AP3D1: variants seen among roughly 807,000 people sequenced by gnomAD.
AP3D1 encodes AP-3 complex subunit delta-1.
AP3D1 carries 51 observed loss-of-function variants against 147.6 expected under a neutral mutation model. That is an observed-to-expected ratio of 0.35 (90% CI 0.28 to 0.44). AP3D1 has a LOEUF of 0.44. AP3D1 is among the 20% of genes least tolerant of loss of function. The pLI is 1.00. For missense variants in AP3D1, 1,421 were observed against 1,624.2 expected, an observed-to-expected ratio of 0.87 and a Z score of 2.15; for synonymous variants, 760 against 663.0, an observed-to-expected ratio of 1.15 and a Z score of -2.25.
At chr19:2,105,955 G>A (rs1448049508) in intron 31 of AP3D1, among the ~76,000 whole-genome samples, 2 of 152,162 alleles carry the variant, frequency 1.3e-5, no homozygotes, top group African/African-American at 4.8e-5. Context: ...AGATTATCCA[G>A]GCGTGGTCGT....
chr19:2,122,509 C>A lies in AP3D1; in HGVS notation c.956-630G>T, dbSNP rs576949516. Among the ~76,000 whole-genome samples, 4 of 152,320 alleles carry A rather than the reference C, an allele frequency of 2.6e-5. No homozygotes were observed. The South Asian group carries it at 8.3e-4, about 32-fold the overall frequency. On this transcript the variant is annotated intron_variant, in intron 11 of 31. Coordinates refer to ENST00000643116, the MANE Select transcript of AP3D1 (RefSeq NM_001261826.3). ...TACCCGTGGGGGATGGGCCCATGAC[C>A]CCAGTGGAAGGCTGACACGGCGGGC...
At chr19:2,129,585 C>A in intron 6 of AP3D1, 128 bp from the exon 7 acceptor site, 1 of 1,148,462 alleles carries the variant, frequency 8.7e-7, no homozygotes, top group Non-Finnish European at 1.2e-6. Context: ...CCTGGCTCTG[C>A]CACCTCCTCC....
rs368660671 is a variant in AP3D1, at chr19:2,136,384, C to T, written c.354+627G>A. The stretch of plus-strand genomic sequence containing the variant: ...GCACATGGACATTGGAGAGCCGGGA[C>T]CGTGGCCTCTGACGTGCGGTCTGGG... On this transcript the variant is annotated intron_variant, in intron 4 of 31. Coordinates refer to ENST00000643116, the MANE Select transcript of AP3D1 (RefSeq NM_001261826.3). Among the ~76,000 whole-genome samples, 9 of 152,338 alleles carry T rather than the reference C, an allele frequency of 5.9e-5. No individual in the cohort carries two copies. In the South Asian group the frequency reaches 1.2e-3, roughly 21 times the overall value.
In AP3D1 at chr19:2,151,449, C is replaced by T; in HGVS notation, c.-115G>A. 1.7e-6 allele frequency: 1 copy of T among 599,938 alleles called. No individual in the cohort carries two copies. Among genetic ancestry groups the T allele is most frequent in the Non-Finnish European group, 2.1e-6 (1 of 468,714 alleles). The allele number at this position is 599,938 out of a possible 1,614,324, so 37.2% of individuals were successfully genotyped here. On this transcript the variant is annotated 5_prime_UTR_variant, in exon 1 of 32. Coordinates refer to ENST00000643116, the MANE Select transcript of AP3D1 (RefSeq NM_001261826.3). The stretch of plus-strand genomic sequence containing the variant: ...CGCGCTGCCGGCCGCTGCGGCGGGG[C>T]AAGCTCCCAGGCCAGGGCGGCGGCG...
chr19:2,156,763 C>T (rs547462279), intron 1 of AP3D1, among the ~76,000 whole-genome samples: 2 of 152,046 alleles, frequency 1.3e-5, no homozygotes, highest in Non-Finnish European at 2.9e-5. Flanking sequence ...GCAGGAGAAT[C>T]GCTTGAACCT....
At chr19:2,119,546 A>G (rs1254991710) in intron 14 of AP3D1, among the ~76,000 whole-genome samples, 1 of 152,074 alleles carries the variant, frequency 6.6e-6, no homozygotes, top group African/African-American at 2.4e-5. Context: ...TGCAAAAAAA[A>G]TTAGCAGGGC....
chr19:2,123,278 T>A, intron 11 of AP3D1, 80 bp downstream of exon 11: 1 of 1,418,602 alleles, frequency 7.0e-7, no homozygotes, highest in Admixed American at 1.9e-5. Flanking sequence ...CGTGTCCACT[T>A]CCTCCTCACA....
Position 2,114,194 on chromosome 19 carries a change from G to A in AP3D1, c.2532C>T (p.Pro844=), listed in dbSNP as rs1170189388. Residue 844 remains proline (P), a synonymous_variant, in exon 22 of 32, where the codon CCC becomes CCT. Transcript: ENST00000643116. ...VPMVEKKSKK[P]KKKEKKHKEK... is the part of the protein sequence containing the mutation. ...CTTTGTGTTTTTTCTCTTTCTTCTT[G>A]GGTTTCTTGCTCTTCTTTTCTACCA... 1 of 1,608,104 alleles carries A rather than the reference G, an allele frequency of 6.2e-7. No homozygotes were observed. Among genetic ancestry groups the A allele is most frequent in the Admixed American group, 1.7e-5 (1 of 58,924 alleles).
rs758888150 is a variant in AP3D1 at position 2,121,340 on chromosome 19, G to C, written c.1102-29C>G. ...GGCAAAAGTGTACAGACAGTGGTGAGAGCGGACCCAGCCTGGGGCCTGCTT... is the reference window on the plus strand; with the variant it reads ...GGCAAAAGTGTACAGACAGTGGTGACAGCGGACCCAGCCTGGGGCCTGCTT... On this transcript the variant is annotated intron_variant, in intron 12 of 31. Transcript: ENST00000643116. The C allele has an allele frequency of 3.1e-6, 5 of 1,611,402 alleles. No homozygotes were observed. The East Asian group carries it at 1.1e-4, about 36-fold the overall frequency.
At chr19:2,135,409 A>G (rs1034227673) in intron 4 of AP3D1, among the ~76,000 whole-genome samples, 4 of 149,968 alleles carry the variant, frequency 2.7e-5, no homozygotes, top group African/African-American at 9.8e-5. Flanking sequence ...GGTGGCGGGC[A>G]CCTGTAATTC....
At position 2,110,084 on chromosome 19, in the gene AP3D1, G is replaced by A. The variant is rs2018225638; in HGVS notation, c.3264+52C>T. ...GACACCCACTGCGATGGGGCAGGAG[G>A]AGCCCCTGCCTGCAGAGTCGGCTCT... On this transcript the variant is annotated intron_variant, in intron 28 of 31. Transcript: ENST00000643116. The A allele has an allele frequency of 7.0e-6, 11 of 1,580,568 alleles. No homozygotes were observed. The South Asian group carries it at 7.7e-5, about 11-fold the overall frequency.
At chr19:2,124,006 T>C in intron 9 of AP3D1, 127 bp from the exon 10 acceptor site, 1 of 1,081,824 alleles carries the variant, frequency 9.2e-7, no homozygotes, top group Non-Finnish European at 1.4e-6. Context: ...GAAATGCCAC[T>C]GAGTTTGGGA....
intron 5 of AP3D1, 43 bp from the exon 6 acceptor site, chr19:2,130,580 T>A (rs904285672): frequency 6.2e-7 from 1 of 1,607,452 alleles, no homozygotes; most frequent in Admixed American, 1.7e-5. Context: ...TTTCTGCGCC[T>A]CATCCCTGCT....
chr19:2,111,658 G>A lies in AP3D1; in HGVS notation c.2937+21C>T, dbSNP rs544684683. 3.9e-5 allele frequency: 61 copies of A among 1,568,704 alleles called. No homozygotes were observed. The South Asian group carries it at 6.5e-4, about 17-fold the overall frequency. On this transcript the variant is annotated intron_variant, in intron 25 of 31. Coordinates refer to ENST00000643116, the MANE Select transcript of AP3D1 (RefSeq NM_001261826.3). ...CGCCAGGAACCCCGGCGTGGGGCGG[G>A]GGCGCTGAAGTACCCCTCACCGGGA... is the stretch of plus-strand genomic sequence containing the variant.
chr19:2,161,980 T>C (rs1199675741), intron 1 of AP3D1, among the ~76,000 whole-genome samples: 1 of 150,364 alleles, frequency 6.7e-6, no homozygotes, highest in East Asian at 2.0e-4. Flanking sequence ...AAGACCAGCC[T>C]GGGTTACATA....
At chr19:2,163,176 C>CGATT (rs1002597667) in intron 1 of AP3D1, among the ~76,000 whole-genome samples, 1 of 152,130 alleles carries the variant, frequency 6.6e-6, no homozygotes, top group African/African-American at 2.4e-5. Context: ...TGGGTTCAAG[C>CGATT]GATTCTCCTA....
At chr19:2,158,387 T>C (rs1266310564) in intron 1 of AP3D1, among the ~76,000 whole-genome samples, 1 of 150,690 alleles carries the variant, frequency 6.6e-6, no homozygotes, top group Non-Finnish European at 1.5e-5. Flanking sequence ...GATAGGGTCT[T>C]GCTCTGTTCC....
intron 1 of AP3D1, among the ~76,000 whole-genome samples, chr19:2,162,368 C>A (rs555378842): frequency 7.0e-6 from 1 of 142,080 alleles, no homozygotes; most frequent in East Asian, 2.2e-4. Context: ...CTAAAGGGGC[C>A]GGGTGCGGTG....
chr19:2,126,088 C>T lies in AP3D1; in HGVS notation c.856+1064G>A, dbSNP rs376912883. Among the ~76,000 whole-genome samples, 28 of 150,124 alleles carry T rather than the reference C, an allele frequency of 1.9e-4. No individual in the cohort carries two copies. In the South Asian group the frequency reaches 5.4e-3, roughly 29 times the overall value. On this transcript the variant is annotated intron_variant, in intron 9 of 31. Coordinates refer to ENST00000643116, the MANE Select transcript of AP3D1 (RefSeq NM_001261826.3). ...GCTGCAGTGAGCTATGATCGCACCA[C>T]TGCACACCAGCCTCAAGAGAGACGG... is the stretch of plus-strand genomic sequence containing the variant.
Sources: allele counts gnomAD v4.1 joint callset (sites outside exome capture counted in the v4.1 genomes callset), GRCh38; gene constraint gnomAD v4.1.1; transcripts MANE v1.5; gene names NCBI Gene and HGNC (gene_info 2026-07-23, HGNC 2026-07-21).